The following AGMO variants were observed in gnomAD, a reference collection of about 807,000 sequenced individuals.
AGMO encodes the protein alkylglycerol monooxygenase.
A neutral mutation model predicts 60.2 loss-of-function variants in AGMO; 75 were observed. The ratio of observed to expected loss-of-function variants is 1.25; its 90% CI spans 1.03 to 1.51. The LOEUF is 1.51. Ranked by LOEUF, AGMO falls within the 40% of genes most tolerant of loss-of-function variation. The pLI, the probability that AGMO is intolerant of heterozygous loss-of-function variation, is 0.00. For synonymous variants in AGMO, 261 were observed against 177.1 expected (o/e 1.47, Z -3.76); for missense variants, 763 against 525.5 (o/e 1.45, Z -4.42).
chr7:15,561,658 G>A, intron 1 of AGMO, 62 bp downstream of exon 1: 1 of 1,458,820 alleles, frequency 6.9e-7, no homozygotes, highest in Non-Finnish European at 9.3e-7. Context: ...TAAGGAGATT[G>A]ACCTTACCAT....
At chr7:15,376,986 A>T (rs1783484008) in intron 10 of AGMO, among the ~76,000 whole-genome samples, 1 of 152,126 alleles carries the variant, frequency 6.6e-6, no homozygotes, top group Non-Finnish European at 1.5e-5. Flanking sequence ...ACATAAAACA[A>T]GTAAGTATTT....
intron 12 of AGMO, among the ~76,000 whole-genome samples, chr7:15,249,959 T>C (rs1782883949): frequency 6.6e-6 from 1 of 152,188 alleles, no homozygotes; most frequent in Non-Finnish European, 1.5e-5. Context: ...TAGAAACTAT[T>C]GTTTGATAAA....
At chr7:15,189,552 T>G in the AGMO span, among the ~76,000 whole-genome samples, 487 of 152,220 alleles carry the variant, frequency 3.2e-3, 3 homozygotes, top group Non-Finnish European at 5.6e-3. Flanking sequence ...GCTTCACTTT[T>G]TGTTTTTTGA....
At chr7:15,348,573 T>TTC (rs1782117363) in intron 12 of AGMO, among the ~76,000 whole-genome samples, 1 of 152,102 alleles carries the variant, frequency 6.6e-6, no homozygotes, top group South Asian at 2.1e-4. Flanking sequence ...TTTTTCTTCT[T>TTC]TCTATAGCTT....
chr7:15,408,132 A>G (rs750944605), intron 5 of AGMO, among the ~76,000 whole-genome samples: 2 of 151,922 alleles, frequency 1.3e-5, no homozygotes, highest in Admixed American at 6.6e-5. Flanking sequence ...ATAACCCCCA[A>G]GTATTTCAGG....
At chr7:15,306,520 A>C in intron 12 of AGMO, 1 of 469,800 alleles carries the variant, frequency 2.1e-6, no homozygotes, top group South Asian at 1.6e-5. Context: ...AGTTCTCCAA[A>C]GTTCTCCTTG....
intron 2 of AGMO, among the ~76,000 whole-genome samples, chr7:15,555,191 A>T (rs557933975): frequency 7.1e-4 from 108 of 151,378 alleles, no homozygotes; most frequent in Middle Eastern, 3.5e-3. Flanking sequence ...TGAGCCAGAA[A>T]ATAAATCAAT....
intron 9 of AGMO, among the ~76,000 whole-genome samples, chr7:15,386,363 T>A (rs1367399896): frequency 6.6e-6 from 1 of 152,168 alleles, no homozygotes; most frequent in Admixed American, 6.5e-5. Context: ...CACATCTATA[T>A]TTTTTAATGC....
intron 3 of AGMO, among the ~76,000 whole-genome samples, chr7:15,535,894 T>C (rs1784474440): frequency 6.6e-6 from 1 of 151,652 alleles, no homozygotes; most frequent in African/African-American, 2.4e-5. Context: ...GCAGCAACTT[T>C]TATTTGTTCA....
chr7:15,390,993 T>G lies in AGMO; in HGVS notation c.677-88A>C, dbSNP rs1297323846. On this transcript the variant is annotated intron_variant, in intron 6 of 12. Coordinates refer to ENST00000342526, the MANE Select transcript of AGMO (RefSeq NM_001004320.2). Reference sequence around the variant, plus strand: ...CATCTTGTTTTTTAGAATATATTCATAAAATTCAGATTTAAACAGGGTACA... The same window carrying G: ...CATCTTGTTTTTTAGAATATATTCAGAAAATTCAGATTTAAACAGGGTACA... 9.8e-6 allele frequency: 8 copies of G among 813,314 alleles called. No individual in the cohort carries two copies. In the African/African-American group the frequency reaches 1.0e-4, roughly 11 times the overall value. 50.4% of individuals were successfully genotyped at this position (813,314 alleles called of 1,614,324 possible).
At chr7:15,371,270 T>C (rs1453134632) in intron 10 of AGMO, among the ~76,000 whole-genome samples, 1 of 152,132 alleles carries the variant, frequency 6.6e-6, no homozygotes, top group South Asian at 2.1e-4. Context: ...CTCAGGTTTG[T>C]AGTGTAATGG....
At chr7:15,413,081 A>T (rs1412567389) in intron 5 of AGMO, among the ~76,000 whole-genome samples, 1 of 152,240 alleles carries the variant, frequency 6.6e-6, no homozygotes, top group Non-Finnish European at 1.5e-5. Context: ...AATAATTATT[A>T]CATTTAGGAC....
chr7:15,399,789 A>G (rs771148033), intron 5 of AGMO, among the ~76,000 whole-genome samples: 1 of 152,160 alleles, frequency 6.6e-6, no homozygotes, highest in Non-Finnish European at 1.5e-5. Flanking sequence ...ATAAAATGAA[A>G]CCAAATAAAA....
At chr7:15,525,033 A>G (rs1316301159) in intron 3 of AGMO, among the ~76,000 whole-genome samples, 1 of 152,148 alleles carries the variant, frequency 6.6e-6, no homozygotes, top group African/African-American at 2.4e-5. Context: ...AGGGGACCCC[A>G]GAAAAACCTT....
rs1433363087 is a variant in AGMO, at chr7:15,544,925, T to C, written c.258-2A>G. 1 of 1,509,782 alleles carries C rather than the reference T, an allele frequency of 6.6e-7. No individual in the cohort carries two copies. Among genetic ancestry groups the C allele is most frequent in the South Asian group, 1.4e-5 (1 of 73,868 alleles). 93.5% of individuals were successfully genotyped at this position (1,509,782 alleles called of 1,614,324 possible). On this transcript the variant is annotated splice_acceptor_variant, in intron 2 of 12. Coordinates refer to ENST00000342526, the MANE Select transcript of AGMO (RefSeq NM_001004320.2). LOFTEE classifies it high-confidence loss of function. ...AGTTCAATGCTCCTGAAAAATAGAC[T>C]GGAAGATAAAATTCACAATCAGTGA...
At chr7:15,508,942 A>G (rs1424984811) in intron 3 of AGMO, among the ~76,000 whole-genome samples, 2 of 152,194 alleles carry the variant, frequency 1.3e-5, no homozygotes, top group Non-Finnish European at 2.9e-5. Flanking sequence ...ATGGGTAAGT[A>G]ACAAAAAGAA....
At position 15,488,804 on chromosome 7, in the gene AGMO, TG is replaced by T. The variant is rs199705490; in HGVS notation, c.409+55967del. Among the ~76,000 whole-genome samples, 955 of 152,106 alleles carry T rather than the reference TG, an allele frequency of 6.3e-3. 10 individuals are homozygous for T. Among genetic ancestry groups the T allele is most frequent in the African/African-American group, 0.022 (912 of 41,528 alleles). On this transcript the variant is annotated intron_variant, in intron 3 of 12. Coordinates refer to ENST00000342526, the MANE Select transcript of AGMO (RefSeq NM_001004320.2). The stretch of plus-strand genomic sequence containing the variant: ...TTAGTTACATAAGGGCACATTCGGT[TG>T]TTTTTTTTTTACAATTAACCATGTG...
At chr7:15,541,989 G>C (rs527973845) in intron 3 of AGMO, among the ~76,000 whole-genome samples, 1 of 151,880 alleles carries the variant, frequency 6.6e-6, no homozygotes, top group African/African-American at 2.4e-5. Context: ...TACGTATTTT[G>C]GAATTATTGA....
chr7:15,440,024 C>G (rs7787840), intron 3 of AGMO, among the ~76,000 whole-genome samples: 17,196 of 152,128 alleles, frequency 0.11, 1,100 homozygotes, highest in Non-Finnish European at 0.14. Context: ...TTTCCCTTAG[C>G]CTGACTCAGG....
Sources: allele counts gnomAD v4.1 joint callset (sites outside exome capture counted in the v4.1 genomes callset), GRCh38; gene constraint gnomAD v4.1.1; transcripts MANE v1.5; gene names NCBI Gene and HGNC (gene_info 2026-07-23, HGNC 2026-07-21).